HHIP: variants seen among roughly 807,000 people sequenced by gnomAD.
HHIP encodes hedgehog interacting protein.
A neutral mutation model predicts 74.0 loss-of-function variants in HHIP; 12 were observed. That is an observed-to-expected ratio of 0.16 (90% CI 0.10 to 0.26). HHIP has a LOEUF of 0.26. HHIP is among the 10% of genes least tolerant of loss of function. The pLI is 1.00. For missense variants in HHIP, 788 were observed against 845.0 expected, an observed-to-expected ratio of 0.93 and a Z score of 0.84; for synonymous variants, 309 against 311.6, an observed-to-expected ratio of 0.99 and a Z score of 0.09.
rs143263179 is a variant in HHIP at position 144,658,892 on chromosome 4, C to A, written c.575C>A (p.Ala192Glu). The change falls in exon 3 of 13, where the codon GCA becomes GAA. Residue 192 changes from alanine (A) to glutamate (E), a missense_variant. Physicochemically the swap from Ala to Glu is moderately radical, Grantham distance 107. Around this residue, in one of 3 missense-constraint regions of HHIP, gnomAD observed 373 missense variants for 366.4 expected, o/e 1.02. Coordinates refer to ENST00000296575, the MANE Select transcript of HHIP (RefSeq NM_022475.3). ...DFPRKQVRGP[A>E]SNYLDQMEEY... ...CCAAGAAAACAAGTCAGAGGACCAG[C>A]ATCTAACTACTTGGACCAGATGGAA... The A allele has an allele frequency of 3.7e-6, 6 of 1,613,450 alleles. No homozygotes were observed. In the African/African-American group the frequency reaches 6.7e-5, roughly 18 times the overall value.
chr4:144,688,242 G>A (rs1000611987), intron 4 of HHIP, among the ~76,000 whole-genome samples: 5 of 152,016 alleles, frequency 3.3e-5, no homozygotes, highest in Admixed American at 6.6e-5. Flanking sequence ...AGCACAAGTC[G>A]CTTTCAGAAT....
At chr4:144,655,251 G>A (rs1728528177) in intron 2 of HHIP, among the ~76,000 whole-genome samples, 1 of 152,102 alleles carries the variant, frequency 6.6e-6, no homozygotes, top group South Asian at 2.1e-4. Flanking sequence ...TTTTCCAGTT[G>A]TGAATTCACT....
At chr4:144,653,587 A>C (rs1728481591) in intron 2 of HHIP, among the ~76,000 whole-genome samples, 1 of 152,200 alleles carries the variant, frequency 6.6e-6, no homozygotes, top group African/African-American at 2.4e-5. Flanking sequence ...GAAGAAAATA[A>C]TTTAACAAGA....
At chr4:144,725,715 A>C (rs999122023) in intron 11 of HHIP, among the ~76,000 whole-genome samples, 24 of 151,866 alleles carry the variant, frequency 1.6e-4, no homozygotes, top group Non-Finnish European at 2.6e-4. Context: ...GATGCCCAGG[A>C]TGGAGTGCAA....
intron 4 of HHIP, among the ~76,000 whole-genome samples, chr4:144,675,571 T>C (rs923723301): frequency 2.0e-5 from 3 of 152,116 alleles, no homozygotes; most frequent in Non-Finnish European, 4.4e-5. Context: ...TTTTGGCTAA[T>C]ATTTGATAGG....
chr4:144,711,819 G>A (rs959312605), intron 7 of HHIP, 131 bp from the exon 8 acceptor site: 5 of 757,732 alleles, frequency 6.6e-6, no homozygotes, highest in Admixed American at 2.4e-5. Flanking sequence ...GTGCTTTCTA[G>A]AAGATCCAAA....
In HHIP at chr4:144,719,075, A is replaced by G. The variant is rs915131077; in HGVS notation, c.1760+119A>G. 1.0e-5 allele frequency: 7 copies of G among 695,392 alleles called. No homozygotes were observed. The African/African-American group carries it at 1.1e-4, about 11-fold the overall frequency. The allele number at this position is 695,392 out of a possible 1,614,324, so 43.1% of individuals were successfully genotyped here. A position where few individuals can be genotyped will look rare whatever the true frequency, so the allele number is the denominator to read the frequency against. ...ATCAGCCAAGATGTACACTTTTACC[A>G]TTTCCATATGCTTAGAGCTGTCCTG... On this transcript the variant is annotated intron_variant, in intron 11 of 12. Coordinates refer to ENST00000296575, the MANE Select transcript of HHIP (RefSeq NM_022475.3).
intron 4 of HHIP, among the ~76,000 whole-genome samples, chr4:144,704,038 C>G (rs1423094836): frequency 6.6e-6 from 1 of 152,178 alleles, no homozygotes; most frequent in Non-Finnish European, 1.5e-5. Context: ...ATACATTAAT[C>G]TCCTGGCACA....
intron 3 of HHIP, 77 bp from the exon 4 acceptor site, chr4:144,659,560 T>C (rs78853684): frequency 2.1e-6 from 2 of 933,920 alleles, no homozygotes; most frequent in Admixed American, 2.9e-5. Flanking sequence ...GGAAATAGAG[T>C]TTGAAAAGGA....
intron 2 of HHIP, 58 bp from the exon 3 acceptor site, chr4:144,658,732 A>C: frequency 7.2e-7 from 1 of 1,379,824 alleles, no homozygotes; most frequent in Non-Finnish European, 1.0e-6. Flanking sequence ...TCTTTCAAAT[A>C]AGGTGGTTTT....
At chr4:144,737,644 T>C in intron 12 of HHIP, 120 bp from the exon 13 acceptor site, 1 of 798,130 alleles carries the variant, frequency 1.3e-6, no homozygotes, top group Non-Finnish European at 1.9e-6. Context: ...ATTTTGTAAC[T>C]ATCTCCCTCC....
At position 144,708,315 on chromosome 4, in the gene HHIP, A is replaced by G; in HGVS notation, c.1301+4A>G. ...ATGGGCTCCACGATCCAGGCAGGTGAGAACACAAGTCTGTCTTCTCACTGG... is the reference window on the plus strand; with the variant it reads ...ATGGGCTCCACGATCCAGGCAGGTGGGAACACAAGTCTGTCTTCTCACTGG... On this transcript the variant is annotated splice_donor_region_variant and intron_variant, in intron 7 of 12. Transcript: ENST00000296575. The G allele has an allele frequency of 1.2e-6, 2 of 1,614,034 alleles. No homozygotes were observed. Among genetic ancestry groups the G allele is most frequent in the Non-Finnish European group, 1.7e-6 (2 of 1,179,972 alleles).
At chr4:144,661,684 A>C (rs1401333559) in intron 4 of HHIP, among the ~76,000 whole-genome samples, 1 of 152,176 alleles carries the variant, frequency 6.6e-6, no homozygotes, top group Non-Finnish European at 1.5e-5. Context: ...TGAGTTGATC[A>C]TAGCACTGAT....
intron 9 of HHIP, chr4:144,715,044 G>GA (rs1012924244): frequency 4.9e-4 from 167 of 338,406 alleles, no homozygotes; most frequent in African/African-American, 3.3e-3. Context: ...TCATTCTCTG[G>GA]ATGAAGGGGA....
intron 4 of HHIP, among the ~76,000 whole-genome samples, chr4:144,662,963 C>T (rs1032895481): frequency 6.6e-6 from 1 of 152,114 alleles, no homozygotes; most frequent in African/African-American, 2.4e-5. Context: ...AATGGCTTCA[C>T]AGTATAATCA....
intron 8 of HHIP, among the ~76,000 whole-genome samples, chr4:144,713,957 TC>T (rs1270158002): frequency 3.9e-5 from 6 of 152,158 alleles, no homozygotes; most frequent in African/African-American, 1.4e-4. Context: ...GATTCTAATT[TC>T]ATTGAAAACT....
At chr4:144,710,401 T>C (rs2126658608) in intron 7 of HHIP, among the ~76,000 whole-genome samples, 1 of 152,306 alleles carries the variant, frequency 6.6e-6, no homozygotes, top group Middle Eastern at 3.4e-3. Flanking sequence ...AACTAACCCA[T>C]CTTTGGCAGG....
rs1730378870 is a variant in HHIP at position 144,714,147 on chromosome 4, G to T, written c.1424-78G>T. The T allele has an allele frequency of 2.3e-5, 29 of 1,247,556 alleles. No individual in the cohort carries two copies. In the South Asian group the frequency reaches 3.4e-4, roughly 15 times the overall value. 77.3% of individuals were successfully genotyped at this position (1,247,556 alleles called of 1,614,324 possible). A position where few individuals can be genotyped will look rare whatever the true frequency, so the allele number is the denominator to read the frequency against. On this transcript the variant is annotated intron_variant, in intron 8 of 12. Transcript: ENST00000296575. ...CACATTTCAGAGTTAAATTACTATAGTAATTGTTGTTTGGTGTACATTCCT... is the reference window on the plus strand; with the variant it reads ...CACATTTCAGAGTTAAATTACTATATTAATTGTTGTTTGGTGTACATTCCT...
At chr4:144,679,729 A>G (rs1314672157) in intron 4 of HHIP, among the ~76,000 whole-genome samples, 1 of 152,074 alleles carries the variant, frequency 6.6e-6, no homozygotes, top group Non-Finnish European at 1.5e-5. Flanking sequence ...TCTGTATGAC[A>G]TATTTTGTCT....
Sources: gnomAD v4.1 joint callset for allele counts (sites outside exome capture counted in the v4.1 genomes callset) on GRCh38, gnomAD v4.1.1 for gene constraint, gnomAD v4.1.1 regional missense constraint, MANE v1.5 for transcripts, NCBI Gene and HGNC (gene_info 2026-07-23, HGNC 2026-07-21) for gene names.